CASK: variants seen among roughly 807,000 people sequenced by gnomAD.
CASK encodes the protein peripheral plasma membrane protein CASK.
Under a neutral mutation model 82.9 loss-of-function variants are expected in CASK, and 4 were observed. That is an observed-to-expected ratio of 0.05 (90% CI 0.02 to 0.11). The LOEUF (loss-of-function observed/expected upper bound fraction) is 0.11, where lower values mean the gene tolerates loss of function less well. Among genes scored for constraint, CASK ranks in the 10% least tolerant of loss-of-function variants. The pLI, the probability that CASK is intolerant of heterozygous loss-of-function variation, is 1.00. For missense variants in CASK, 358 were observed against 720.9 expected (o/e 0.50, Z 5.76); for synonymous variants, 259 against 253.5 (o/e 1.02, Z -0.20).
intron 2 of CASK, among the ~76,000 whole-genome samples, chrX:41,839,323 T>A (rs2070988706): frequency 9.0e-6 from 1 of 111,544 alleles, no homozygotes; most frequent in South Asian, 3.7e-4. Flanking sequence ...ACTTCTTTCA[T>A]CAGAGTTCTG....
At chrX:41,599,376 C>A (rs2065864691) in intron 12 of CASK, among the ~76,000 whole-genome samples, 1 of 111,462 alleles carries the variant, frequency 9.0e-6, no homozygotes, top group Non-Finnish European at 1.9e-5. Context: ...TGCTCTAAAT[C>A]CATTATTAAA....
chrX:41,783,030 A>T (rs978505755), intron 3 of CASK, among the ~76,000 whole-genome samples: 2 of 110,040 alleles, frequency 1.8e-5, no homozygotes, highest in Non-Finnish European at 3.8e-5. Flanking sequence ...CTGTAGTCCC[A>T]GCTACATGGG....
intron 11 of CASK, among the ~76,000 whole-genome samples, chrX:41,613,449 T>A (rs1430113456): frequency 2.2e-5 from 2 of 91,197 alleles, no homozygotes; most frequent in South Asian, 1.2e-3. Flanking sequence ...TCGTTAAGAG[T>A]CATCACCACT....
chrX:41,727,671 A>T, intron 5 of CASK: 2 of 1,203,197 alleles, frequency 1.7e-6, no homozygotes, highest in South Asian at 3.5e-5. Flanking sequence ...TTTCCTTTTT[A>T]GTAGTACTAA....
At chrX:41,547,393 T>G (rs770417242) in intron 21 of CASK, among the ~76,000 whole-genome samples, 10 of 111,106 alleles carry the variant, frequency 9.0e-5, no homozygotes, top group Non-Finnish European at 1.7e-4. Flanking sequence ...TTCTGTAGAG[T>G]CTGGATTTTT....
intron 3 of CASK, among the ~76,000 whole-genome samples, chrX:41,754,036 C>A (rs2068844890): frequency 9.0e-6 from 1 of 111,424 alleles, no homozygotes; most frequent in Non-Finnish European, 1.9e-5. Flanking sequence ...GTAAACACAT[C>A]AAAACTTGTA....
At chrX:41,807,855 GTATT>G (rs1191966768) in intron 2 of CASK, among the ~76,000 whole-genome samples, 1 of 111,448 alleles carries the variant, frequency 9.0e-6, no homozygotes, top group African/African-American at 3.3e-5. Context: ...ATGTATGTAT[GTATT>G]TATTTATTTA....
intron 16 of CASK, among the ~76,000 whole-genome samples, chrX:41,567,593 G>T (rs1404330011): frequency 1.8e-5 from 2 of 111,680 alleles, no homozygotes; most frequent in African/African-American, 6.5e-5. Context: ...GAAACAACAG[G>T]TGCTGGAGAG....
At chrX:41,555,748 T>C (rs1401293575) in intron 19 of CASK, 113 bp from the exon 20 acceptor site, 11 of 563,511 alleles carry the variant, frequency 2.0e-5, no homozygotes, top group Non-Finnish European at 3.3e-5. Flanking sequence ...ATTTAAGTTG[T>C]AAAGAGATAA....
intron 21 of CASK, among the ~76,000 whole-genome samples, chrX:41,550,930 T>C (rs1359983845): frequency 1.8e-5 from 2 of 110,772 alleles, no homozygotes; most frequent in Non-Finnish European, 3.8e-5. Context: ...CGAACCAACT[T>C]CGTAAGCTTA....
chrX:41,603,643 T>C (rs912608526), intron 12 of CASK, among the ~76,000 whole-genome samples: 4 of 112,357 alleles, frequency 3.6e-5, no homozygotes, highest in Non-Finnish European at 5.6e-5. Flanking sequence ...TAAATTGCTA[T>C]ATTAATCTAA....
At chrX:41,660,342 A>G (rs1220069272) in intron 8 of CASK, 97 bp downstream of exon 8, 1 of 732,659 alleles carries the variant, frequency 1.4e-6, no homozygotes, top group Non-Finnish European at 2.1e-6. Context: ...CTCAGAAAAA[A>G]GAAAAGGTAA....
At chrX:41,737,199 TGA>T (rs1355211268) in intron 5 of CASK, among the ~76,000 whole-genome samples, 1 of 111,697 alleles carries the variant, frequency 9.0e-6, no homozygotes, top group African/African-American at 3.3e-5. Flanking sequence ...ACGTTTTGAA[TGA>T]GAGACCGCAA....
rs1278349096 is a variant in CASK at position 41,518,974 on chromosome X, GGA to G, written c.*1444_*1445del. 9.0e-6 allele frequency: 1 copy of G among 111,562 alleles called. No individual in the cohort carries two copies. The highest frequency in any genetic ancestry group is 3.3e-5 in the African/African-American group (1 of 30,644). The allele number at this position is 111,562 out of a possible 1,213,427, so 9.2% of individuals were successfully genotyped here. On this transcript the variant is annotated 3_prime_UTR_variant, in exon 27 of 27. Coordinates refer to ENST00000378163, the MANE Select transcript of CASK (RefSeq NM_001367721.1). ...GTGCCAAGGGATACAGCAAGAGGAAGGAGAGACCACAGGTGGCCTCCAGTACA... is the reference window on the plus strand; with the variant it reads ...GTGCCAAGGGATACAGCAAGAGGAAGGAGACCACAGGTGGCCTCCAGTACA...
intron 2 of CASK, among the ~76,000 whole-genome samples, chrX:41,797,221 C>A (rs900570370): frequency 8.2e-5 from 9 of 109,197 alleles, no homozygotes; most frequent in Non-Finnish European, 1.7e-4. Flanking sequence ...TGACCCCAAT[C>A]CTGAACCACC....
chrX:41,619,158 A>G (rs1341630926), intron 11 of CASK, among the ~76,000 whole-genome samples: 1 of 111,328 alleles, frequency 9.0e-6, no homozygotes, highest in Non-Finnish European at 1.9e-5. Context: ...GATTTACCAT[A>G]TAAGGTTTTT....
chrX:41,780,330 T>C (rs2069449396), intron 3 of CASK, among the ~76,000 whole-genome samples: 1 of 112,189 alleles, frequency 8.9e-6, no homozygotes, highest in African/African-American at 3.2e-5. Flanking sequence ...TGCAAATATA[T>C]GCAGATGTCT....
chrX:41,529,251 C>T (rs921813706), intron 25 of CASK, among the ~76,000 whole-genome samples: 1 of 111,386 alleles, frequency 9.0e-6, no homozygotes, highest in African/African-American at 3.3e-5. Context: ...GGGCCAAGTG[C>T]AATGGGTAAA....
chrX:41,676,277 T>G lies in CASK; in HGVS notation c.430-4747A>C, dbSNP rs2067263976. ...TTCTCGAGCCATCTGCTGTTTTTTCTCAGCACCTTCCGTCTTTTGTTCAAT... is the reference window on the plus strand; with the variant it reads ...TTCTCGAGCCATCTGCTGTTTTTTCGCAGCACCTTCCGTCTTTTGTTCAAT... On this transcript the variant is annotated intron_variant, in intron 5 of 26. Coordinates refer to ENST00000378163, the MANE Select transcript of CASK (RefSeq NM_001367721.1). 2.5e-6 allele frequency: 3 copies of G among 1,193,439 alleles called. No homozygotes were observed. In the South Asian group the frequency reaches 5.3e-5, roughly 21 times the overall value.
Sources: gnomAD v4.1 joint callset for allele counts (sites outside exome capture counted in the v4.1 genomes callset) on GRCh38, gnomAD v4.1.1 for gene constraint, MANE v1.5 for transcripts, NCBI Gene and HGNC (gene_info 2026-07-23, HGNC 2026-07-21) for gene names.